Variants in ZBTB7C observed in about 807,000 individuals in gnomAD.
The protein encoded by ZBTB7C is zinc finger and BTB domain-containing protein 7C.
A neutral mutation model predicts 25.7 loss-of-function variants in ZBTB7C; 8 were observed. That is an observed-to-expected ratio of 0.31 (90% CI 0.18 to 0.56). The LOEUF (loss-of-function observed/expected upper bound fraction) is 0.56. ZBTB7C is among the 20% of genes least tolerant of loss of function. ZBTB7C has a pLI of 0.91. For missense variants in ZBTB7C, 824 were observed against 855.2 expected (o/e 0.96, Z 0.46); for synonymous variants, 394 against 369.0 (o/e 1.07, Z -0.78).
intron 3 of ZBTB7C, among the ~76,000 whole-genome samples, chr18:48,140,363 C>CTG (rs1193121550): frequency 6.6e-6 from 1 of 152,236 alleles, no homozygotes; most frequent in Non-Finnish European, 1.5e-5. Flanking sequence ...TGCAACCACG[C>CTG]TGTGGGGTAG....
At chr18:48,236,145 T>C (rs183143151) in intron 2 of ZBTB7C, among the ~76,000 whole-genome samples, 1 of 152,360 alleles carries the variant, frequency 6.6e-6, no homozygotes, top group East Asian at 1.9e-4. Context: ...GTATTCTGAA[T>C]AATTTTTTCA....
At chr18:48,246,539 C>T (rs72907418) in intron 2 of ZBTB7C, among the ~76,000 whole-genome samples, 2,751 of 151,744 alleles carry the variant, frequency 0.018, 44 homozygotes, top group Non-Finnish European at 0.029. Context: ...TAAAAAAACA[C>T]ACTTTTTTTC....
intron 3 of ZBTB7C, among the ~76,000 whole-genome samples, chr18:48,132,440 T>C (rs1346467442): frequency 1.3e-5 from 2 of 152,242 alleles, no homozygotes; most frequent in East Asian, 1.9e-4. Context: ...CAGTGACTGC[T>C]AATGGGTACA....
chr18:48,222,337 G>T (rs1341068806), intron 2 of ZBTB7C, among the ~76,000 whole-genome samples: 1 of 152,208 alleles, frequency 6.6e-6, no homozygotes, highest in Non-Finnish European at 1.5e-5. Flanking sequence ...CATCCTGCAT[G>T]ATCTTGGAGC....
intron 1 of ZBTB7C, among the ~76,000 whole-genome samples, chr18:48,357,074 T>C (rs920267254): frequency 6.6e-6 from 1 of 152,224 alleles, no homozygotes; most frequent in Non-Finnish European, 1.5e-5. Flanking sequence ...AACCATCCCC[T>C]GAGGCAGCCT....
chr18:48,160,720 C>T (rs539528082), intron 3 of ZBTB7C, among the ~76,000 whole-genome samples: 1 of 152,230 alleles, frequency 6.6e-6, no homozygotes, highest in African/African-American at 2.4e-5. Context: ...CTGTTTGCTA[C>T]CTGAAAATGT....
intron 3 of ZBTB7C, among the ~76,000 whole-genome samples, chr18:48,118,425 C>T (rs1323373932): frequency 6.6e-6 from 1 of 152,122 alleles, no homozygotes; most frequent in Non-Finnish European, 1.5e-5. Context: ...TTTAAGGATA[C>T]AAAAGCTGTT....
intron 3 of ZBTB7C, among the ~76,000 whole-genome samples, chr18:48,143,536 A>G (rs1318958981): frequency 6.6e-6 from 1 of 152,018 alleles, no homozygotes; most frequent in African/African-American, 2.4e-5. Context: ...GTCTGGCTAC[A>G]TTAGCTGCAA....
intron 2 of ZBTB7C, among the ~76,000 whole-genome samples, chr18:48,263,068 G>C (rs1194031267): frequency 1.3e-5 from 2 of 152,168 alleles, no homozygotes; most frequent in African/African-American, 4.8e-5. Flanking sequence ...AGTGGCCCCA[G>C]CTCCCATGGG....
chr18:48,210,027 C>T (rs890415023), intron 2 of ZBTB7C, among the ~76,000 whole-genome samples: 4 of 152,262 alleles, frequency 2.6e-5, no homozygotes, highest in South Asian at 2.1e-4. Context: ...ATAGACATAT[C>T]TTCAAAGAAG....
At chr18:48,045,305 G>A (rs557756497) in intron 3 of ZBTB7C, among the ~76,000 whole-genome samples, 6 of 152,320 alleles carry the variant, frequency 3.9e-5, no homozygotes, top group East Asian at 1.9e-4. Flanking sequence ...TCCCTTGCTC[G>A]CTCCCCAGAC....
At chr18:48,263,887 G>T (rs2044239432) in intron 2 of ZBTB7C, among the ~76,000 whole-genome samples, 1 of 152,102 alleles carries the variant, frequency 6.6e-6, no homozygotes, top group Non-Finnish European at 1.5e-5. Flanking sequence ...TTATAAATTA[G>T]CCCCCCAAAT....
chr18:48,176,346 G>A (rs1453469011), intron 3 of ZBTB7C, among the ~76,000 whole-genome samples: 1 of 152,184 alleles, frequency 6.6e-6, no homozygotes, highest in Non-Finnish European at 1.5e-5. Flanking sequence ...GCTGTGAAAA[G>A]GTTCCAGATT....
At chr18:48,255,445 A>G (rs540410464) in intron 2 of ZBTB7C, among the ~76,000 whole-genome samples, 1 of 152,218 alleles carries the variant, frequency 6.6e-6, no homozygotes, top group Non-Finnish European at 1.5e-5. Context: ...AGTAGGCCCA[A>G]CAGACCAAAC....
At chr18:48,390,165 T>C (rs1390313605) in intron 1 of ZBTB7C, among the ~76,000 whole-genome samples, 4 of 152,300 alleles carry the variant, frequency 2.6e-5, no homozygotes, top group African/African-American at 7.2e-5. Context: ...TAGTAATATA[T>C]CTTCACACTA....
chr18:48,197,426 C>A (rs2042343574), intron 2 of ZBTB7C, among the ~76,000 whole-genome samples: 1 of 152,242 alleles, frequency 6.6e-6, no homozygotes, highest in African/African-American at 2.4e-5. Context: ...GCCCTCTCCA[C>A]ACTGAGCCCC....
chr18:48,077,800 G>A (rs1273866696), intron 3 of ZBTB7C, among the ~76,000 whole-genome samples: 3 of 152,182 alleles, frequency 2.0e-5, no homozygotes, highest in Non-Finnish European at 2.9e-5. Context: ...GCAGGACTCA[G>A]GCCTGCACAA....
At chr18:48,242,200 T>C (rs2043548943) in intron 2 of ZBTB7C, among the ~76,000 whole-genome samples, 2 of 152,054 alleles carry the variant, frequency 1.3e-5, no homozygotes, top group Admixed American at 6.5e-5. Context: ...ATTGAAATGG[T>C]AATAAAAAAA....
chr18:48,044,569 C>A (rs2036393031), intron 3 of ZBTB7C, among the ~76,000 whole-genome samples: 1 of 152,236 alleles, frequency 6.6e-6, no homozygotes, highest in Admixed American at 6.5e-5. Context: ...AGATGGGAGG[C>A]CTCAAGTCTG....
Sources: allele counts gnomAD v4.1 joint callset (sites outside exome capture counted in the v4.1 genomes callset), GRCh38; gene constraint gnomAD v4.1.1; transcripts MANE v1.5; gene names NCBI Gene and HGNC (gene_info 2026-07-23, HGNC 2026-07-21).